FLNC: variants seen among roughly 807,000 people sequenced by gnomAD.
FLNC encodes filamin-C.
A neutral mutation model predicts 254.3 loss-of-function variants in FLNC; 91 were observed. The ratio of observed to expected loss-of-function variants is 0.36; its 90% CI spans 0.30 to 0.43. FLNC has a LOEUF of 0.43. FLNC is among the 20% of genes least tolerant of loss of function. The probability of loss-of-function intolerance (pLI) is 1.00; values close to 1 mark genes in which losing one functional copy is unlikely to be tolerated. For missense variants in FLNC, 2,853 were observed against 3,802.6 expected (o/e 0.75, Z 6.57); for synonymous variants, 1,430 against 1,577.2 (o/e 0.91, Z 2.21).
chr7:128,841,008 G>T lies in FLNC; in HGVS notation c.1813+38G>T, dbSNP rs1438766978. On this transcript the variant is annotated intron_variant, in intron 11 of 47. Coordinates refer to ENST00000325888, the MANE Select transcript of FLNC (RefSeq NM_001458.5). This position sits in a 1 kb window ranked among gnomAD's most constrained non-coding sequence, Gnocchi z 4.3. ...GGGGCAGGAGGAGGGAGTGCTGCGG[G>T]GGAGGGCAGCAGGGGACACTGTGGG... The T allele has an allele frequency of 1.3e-6, 2 of 1,573,316 alleles. No homozygotes were observed. Among genetic ancestry groups the T allele is most frequent in the Non-Finnish European group, 8.6e-7 (1 of 1,157,738 alleles).
rs569019448 is a variant in FLNC, at chr7:128,835,785, G to A, written c.601+211G>A. ...AGTGTGCCAGATTCCGCAGAGGCAG[G>A]AAGAGGTTTAAAACCCCTCATTTTA... is the stretch of plus-strand genomic sequence containing the variant. On this transcript the variant is annotated intron_variant, in intron 2 of 47. Transcript: ENST00000325888. The surrounding 1 kb of genome is among the most constrained non-coding windows in gnomAD (Gnocchi z 5.3). 4.7e-4 allele frequency among the ~76,000 whole-genome samples: 72 copies of A among 152,184 alleles called. No homozygotes were observed. Among genetic ancestry groups the A allele is most frequent in the Middle Eastern group, 3.2e-3 (1 of 316 alleles).
chr7:128,833,086 G>A (rs897883582), intron 1 of FLNC, among the ~76,000 whole-genome samples: 11 of 152,190 alleles, frequency 7.2e-5, no homozygotes, highest in Non-Finnish European at 1.6e-4. Context: ...CCTGAAGAAG[G>A]GGCACTGAGC....
intron 8 of FLNC, 46 bp downstream of exon 8, chr7:128,838,849 G>A: frequency 6.3e-7 from 1 of 1,580,464 alleles, no homozygotes; most frequent in Non-Finnish European, 8.7e-7. Flanking sequence ...ACCAAAGCCA[G>A]AGGCTTGCAA....
chr7:128,839,020 G>A (rs1284891627), intron 8 of FLNC, among the ~76,000 whole-genome samples: 4 of 152,206 alleles, frequency 2.6e-5, no homozygotes, highest in Non-Finnish European at 5.9e-5. Context: ...CGGAAGTGAC[G>A]GGGCTGTATG....
chr7:128,848,206 C>A, intron 26 of FLNC, 138 bp downstream of exon 26: 1 of 1,102,502 alleles, frequency 9.1e-7, no homozygotes, highest in Non-Finnish European at 1.3e-6. Flanking sequence ...GCCACCCCAT[C>A]CCGCTCTTCC....
At position 128,842,927 on chromosome 7, in the gene FLNC, C is replaced by T. The variant is rs767629585; in HGVS notation, c.2523C>T (p.Tyr841=). ...ACACGCCACCAGGGGCGGGCCGCTA[C>T]ACCATCATGGTGCTGTTTGCCAACC... ...VKYTPPGAGR[Y]TIMVLFANQE... The change falls in exon 16 of 48, where the codon TAC becomes TAT. Residue 841 remains tyrosine (Y), a synonymous_variant. Coordinates refer to ENST00000325888, the MANE Select transcript of FLNC (RefSeq NM_001458.5). The surrounding 1 kb of genome is among the most constrained non-coding windows in gnomAD (Gnocchi z 5.4). The T allele has an allele frequency of 6.2e-7, 1 of 1,614,032 alleles. No homozygotes were observed. Among genetic ancestry groups the T allele is most frequent in the South Asian group, 1.1e-5 (1 of 91,084 alleles).
Position 128,841,136 on chromosome 7 carries a change from G to T in FLNC, c.1814-34G>T, listed in dbSNP as rs759899515. On this transcript the variant is annotated intron_variant, in intron 11 of 47. Transcript: ENST00000325888. The surrounding 1 kb of genome is among the most constrained non-coding windows in gnomAD (Gnocchi z 4.3). ...GGGGGACGGAAGGGTCTTGCCTGAT[G>T]CTGGATCCCCGACCCTCCCCCACCT... The T allele has an allele frequency of 2.5e-6, 4 of 1,609,544 alleles. No individual in the cohort carries two copies. In the Admixed American group the frequency reaches 6.7e-5, roughly 27 times the overall value.
chr7:128,845,310 A>G, intron 21 of FLNC, 55 bp downstream of exon 21: 1 of 1,411,400 alleles, frequency 7.1e-7, no homozygotes, highest in Non-Finnish European at 9.9e-7. Flanking sequence ...GGAGCTGGGT[A>G]GTCCGTGGGA....
intron 33 of FLNC, 141 bp from the exon 34 acceptor site, chr7:128,851,091 G>A: frequency 1.3e-6 from 2 of 1,525,192 alleles, no homozygotes; most frequent in Non-Finnish European, 1.8e-6. Context: ...ATACCCTGGT[G>A]GGAAGCAGAC....
chr7:128,846,640 G>A (rs988345338), intron 23 of FLNC, 105 bp from the exon 24 acceptor site: 73 of 1,368,254 alleles, frequency 5.3e-5, no homozygotes, highest in Non-Finnish European at 7.3e-5. Context: ...TCCTCAGCTG[G>A]GTCCCCAGCG....
rs770203128 is a variant in FLNC at position 128,857,506 on chromosome 7, A to G, written c.7780+170A>G. Among the ~76,000 whole-genome samples the G allele has an allele frequency of 1.1e-4, 16 of 150,510 alleles. No individual in the cohort carries two copies. Among genetic ancestry groups the G allele is most frequent in the Non-Finnish European group, 2.1e-4 (14 of 68,000 alleles). ...CAGTACACGTTCTGTGGAGTCGGGC[A>G]TGATCACGTAAAAATGCCATTCTTC... On this transcript the variant is annotated intron_variant, in intron 46 of 47. Coordinates refer to ENST00000325888, the MANE Select transcript of FLNC (RefSeq NM_001458.5). The surrounding 1 kb of genome is among the most constrained non-coding windows in gnomAD (Gnocchi z 4.5).
At chr7:128,847,663 T>C (rs1260109203) in intron 24 of FLNC, 34 bp from the exon 25 acceptor site, 3 of 1,613,452 alleles carry the variant, frequency 1.9e-6, no homozygotes, top group Non-Finnish European at 2.5e-6. Context: ...CCATCAGGGC[T>C]GGTGGGCAGG....
At chr7:128,843,966 C>A in intron 19 of FLNC, 38 bp from the exon 20 acceptor site, 1 of 1,614,060 alleles carries the variant, frequency 6.2e-7, no homozygotes, top group South Asian at 1.1e-5. Flanking sequence ...GTAGGGTGGA[C>A]CGGAGTCTCC....
At position 128,844,073 on chromosome 7, in the gene FLNC, A is replaced by C. The variant is rs1457558516; in HGVS notation, c.2999A>C (p.Asp1000Ala). The change falls in exon 20 of 48, where the codon GAT becomes GCT. Residue 1000 changes from aspartate to alanine, a missense_variant. Coordinates refer to ENST00000325888, the MANE Select transcript of FLNC (RefSeq NM_001458.5). ...GGGGCTGGCGGTCAGGGCCAACTGG[A>C]TGTGCGGATGACTTCGCCCTCTCGC... Reference protein sequence around the residue: ...TRGAGGQGQLDVRMTSPSRRP... With the variant: ...TRGAGGQGQLAVRMTSPSRRP... 2 of 1,613,866 alleles carry C rather than the reference A, an allele frequency of 1.2e-6. No homozygotes were observed. Among genetic ancestry groups the C allele is most frequent in the Admixed American group, 1.7e-5 (1 of 60,010 alleles).
intron 5 of FLNC, 104 bp from the exon 6 acceptor site, chr7:128,837,883 G>A: frequency 7.3e-7 from 1 of 1,373,074 alleles, no homozygotes; most frequent in Admixed American, 1.7e-5. Flanking sequence ...TCTGGGGAAG[G>A]TGTCACCATG....
At position 128,835,393 on chromosome 7, in the gene FLNC, C is replaced by T; in HGVS notation, c.420C>T (p.His140=). 6.2e-7 allele frequency: 1 copy of T among 1,614,124 alleles called. No homozygotes were observed. Among genetic ancestry groups the T allele is most frequent in the Non-Finnish European group, 8.5e-7 (1 of 1,180,034 alleles). The stretch of plus-strand genomic sequence containing the variant: ...GCCTGATCTGGACGCTGATCCTGCA[C>T]TACTCCATCTCCATGCCCATGTGGG... ...ILGLIWTLIL[H]YSISMPMWED... is the part of the protein sequence containing the mutation. Residue 140 remains histidine (H), a synonymous_variant, in exon 2 of 48, where the codon CAC becomes CAT. Transcript: ENST00000325888. The surrounding 1 kb of genome is among the most constrained non-coding windows in gnomAD (Gnocchi z 5.3).
At chr7:128,849,132 C>T in intron 28 of FLNC, 49 bp from the exon 29 acceptor site, 2 of 1,604,496 alleles carry the variant, frequency 1.2e-6, no homozygotes, top group Non-Finnish European at 1.7e-6. Context: ...GCCCAATGCC[C>T]CAGCCCACGT....
intron 1 of FLNC, among the ~76,000 whole-genome samples, chr7:128,832,508 A>G (rs1807933541): frequency 6.6e-6 from 1 of 152,194 alleles, no homozygotes; most frequent in South Asian, 2.1e-4. Flanking sequence ...GAAACCGCTC[A>G]GCCTTCCCCT....
chr7:128,844,841 C>T lies in FLNC; in HGVS notation c.3376C>T (p.Pro1126Ser). ...SCAVSYLPTEPGEYTINILFA... is the reference protein window; with the variant it reads ...SCAVSYLPTESGEYTINILFA... ...TGCTGTCAGCTACCTGCCCACGGAG[C>T]CTGGCGAGTACACCATCAACATCCT... is the stretch of plus-strand genomic sequence containing the variant. Residue 1126 changes from proline to serine, a missense_variant, in exon 21 of 48, where the codon CCT (proline) becomes TCT (serine). Physicochemically the swap from Pro to Ser is moderately conservative, Grantham distance 74. Around this residue, in one of 10 missense-constraint regions of FLNC, gnomAD observed 1,573 missense variants for 1,883.5 expected, o/e 0.84. Coordinates refer to ENST00000325888, the MANE Select transcript of FLNC (RefSeq NM_001458.5). 1 of 1,614,124 alleles carries T rather than the reference C, an allele frequency of 6.2e-7. No homozygotes were observed. Among genetic ancestry groups the T allele is most frequent in the Non-Finnish European group, 8.5e-7 (1 of 1,180,038 alleles).
Sources: gnomAD v4.1 joint callset for allele counts (sites outside exome capture counted in the v4.1 genomes callset) on GRCh38, gnomAD v4.1.1 for gene constraint, gnomAD v4.1.1 regional missense constraint, Gnocchi (gnomAD v3.1) non-coding constraint, MANE v1.5 for transcripts, NCBI Gene and HGNC (gene_info 2026-07-23, HGNC 2026-07-21) for gene names.